KCNIP4: variants seen among roughly 807,000 people sequenced by gnomAD.
KCNIP4 encodes potassium voltage-gated channel interacting protein 4.
KCNIP4 carries 12 observed loss-of-function variants against 34.0 expected under a neutral mutation model. The observed-to-expected ratio is 0.35, with a 90% CI of 0.23 to 0.57. The LOEUF (loss-of-function observed/expected upper bound fraction) is 0.57. Ranked by LOEUF, KCNIP4 falls within the 20% of genes least tolerant of loss-of-function variation. The probability of loss-of-function intolerance (pLI) is 0.83; values close to 1 mark genes in which losing one functional copy is unlikely to be tolerated. For synonymous variants in KCNIP4, 124 were observed against 102.2 expected, an observed-to-expected ratio of 1.21 and a Z score of -1.29; for missense variants, 238 against 311.7, an observed-to-expected ratio of 0.76 and a Z score of 1.78.
At chr4:21,210,364 CA>C (rs1312877947) in intron 1 of KCNIP4, among the ~76,000 whole-genome samples, 2 of 152,118 alleles carry the variant, frequency 1.3e-5, no homozygotes, top group Non-Finnish European at 2.9e-5. Flanking sequence ...TTTCTGTCAT[CA>C]AATTAGCCTA....
chr4:21,781,965 C>T (rs1719600284), intron 1 of KCNIP4, among the ~76,000 whole-genome samples: 1 of 151,762 alleles, frequency 6.6e-6, no homozygotes, highest in Non-Finnish European at 1.5e-5. Flanking sequence ...ACAAGAGATA[C>T]TATTGATAAA....
At chr4:21,613,495 C>A (rs1398519504) in intron 1 of KCNIP4, 1 of 152,060 alleles carries the variant, frequency 6.6e-6, no homozygotes, top group East Asian at 1.9e-4. Context: ...TGGATGCAAC[C>A]TCATGAGAGA....
chr4:20,746,414 C>G (rs1035726143), intron 5 of KCNIP4, among the ~76,000 whole-genome samples: 1 of 151,862 alleles, frequency 6.6e-6, no homozygotes, highest in Non-Finnish European at 1.5e-5. Flanking sequence ...GCAGAAATAC[C>G]TAATGTAGGT....
intron 1 of KCNIP4, among the ~76,000 whole-genome samples, chr4:21,865,941 G>A (rs2109358138): frequency 7.0e-6 from 1 of 142,124 alleles, no homozygotes; most frequent in African/African-American, 2.5e-5. Context: ...ATATATATAT[G>A]GTGGCAAATG....
intron 1 of KCNIP4, among the ~76,000 whole-genome samples, chr4:21,491,374 C>A (rs562741562): frequency 4.6e-5 from 7 of 151,952 alleles, no homozygotes; most frequent in African/African-American, 1.7e-4. Context: ...CTCTGAAATG[C>A]CACTTGTTTT....
chr4:21,900,417 A>G (rs1560798108), intron 1 of KCNIP4, among the ~76,000 whole-genome samples: 1 of 152,188 alleles, frequency 6.6e-6, no homozygotes, highest in Non-Finnish European at 1.5e-5. Flanking sequence ...TTCCTGAATG[A>G]GTAATCCTCA....
At chr4:21,283,415 G>A (rs73113119) in intron 1 of KCNIP4, among the ~76,000 whole-genome samples, 6,754 of 151,624 alleles carry the variant, frequency 0.045, 534 homozygotes, top group African/African-American at 0.16. Flanking sequence ...ATCTTTTAAC[G>A]TTTTCTCTCT....
At chr4:20,758,689 C>G in intron 4 of KCNIP4, 132 bp downstream of exon 4, 1 of 703,482 alleles carries the variant, frequency 1.4e-6, no homozygotes, top group Non-Finnish European at 2.5e-6. Flanking sequence ...ATTATATACA[C>G]TTGCATGCTG....
At chr4:20,963,910 A>T (rs73242602) in intron 1 of KCNIP4, among the ~76,000 whole-genome samples, 8,157 of 147,288 alleles carry the variant, frequency 0.055, 288 homozygotes, top group Middle Eastern at 0.16. Flanking sequence ...TATATATATA[A>T]AAAAAAAGAT....
At chr4:21,198,892 G>A (rs1053940697) in intron 1 of KCNIP4, among the ~76,000 whole-genome samples, 22 of 152,114 alleles carry the variant, frequency 1.4e-4, no homozygotes, top group African/African-American at 2.9e-4. Flanking sequence ...CTGACCTGGC[G>A]CTGTCCTTTC....
intron 1 of KCNIP4, among the ~76,000 whole-genome samples, chr4:21,925,419 T>A (rs1485326088): frequency 6.6e-6 from 1 of 152,188 alleles, no homozygotes; most frequent in South Asian, 2.1e-4. Context: ...GAACTCATCA[T>A]TTTTTATGGC....
intron 1 of KCNIP4, among the ~76,000 whole-genome samples, chr4:20,991,647 G>A (rs560939364): frequency 3.9e-5 from 6 of 152,242 alleles, no homozygotes; most frequent in South Asian, 2.1e-4. Flanking sequence ...TCCTACCTCC[G>A]TGGTCCACCA....
intron 8 of KCNIP4, chr4:20,731,253 A>C: frequency 5.1e-5 from 16 of 316,452 alleles, no homozygotes; most frequent in Non-Finnish European, 7.3e-5. Flanking sequence ...TTTTTTTTGT[A>C]GAGATAGATA....
At chr4:21,132,370 T>C (rs1417112274) in intron 1 of KCNIP4, among the ~76,000 whole-genome samples, 1 of 152,216 alleles carries the variant, frequency 6.6e-6, no homozygotes, top group Non-Finnish European at 1.5e-5. Context: ...CTCATACTTG[T>C]GGAATGAATA....
At chr4:21,682,167 A>G (rs1158755526) in intron 1 of KCNIP4, among the ~76,000 whole-genome samples, 1 of 152,162 alleles carries the variant, frequency 6.6e-6, no homozygotes, top group Non-Finnish European at 1.5e-5. Flanking sequence ...CGCTGAGATT[A>G]CCTGCGTGAG....
chr4:20,773,207 C>T (rs1379904761), intron 3 of KCNIP4, among the ~76,000 whole-genome samples: 1 of 152,178 alleles, frequency 6.6e-6, no homozygotes, highest in Non-Finnish European at 1.5e-5. Flanking sequence ...TAAACTTCTT[C>T]AAGCTGGATT....
intron 1 of KCNIP4, among the ~76,000 whole-genome samples, chr4:21,383,177 C>A (rs1047555430): frequency 6.6e-6 from 1 of 152,164 alleles, no homozygotes; most frequent in Non-Finnish European, 1.5e-5. Flanking sequence ...AAGAAACCAA[C>A]CCTGCTGACA....
At chr4:21,184,687 A>G (rs1200613370) in intron 1 of KCNIP4, among the ~76,000 whole-genome samples, 1 of 152,160 alleles carries the variant, frequency 6.6e-6, no homozygotes. Context: ...CTTATGCATC[A>G]ATGCCCACAA....
chr4:21,901,918 C>G (rs886373354), intron 1 of KCNIP4, among the ~76,000 whole-genome samples: 3 of 152,144 alleles, frequency 2.0e-5, no homozygotes, highest in Non-Finnish European at 4.4e-5. Flanking sequence ...CAAAGACACA[C>G]CTTCAAAAAG....
Sources: gnomAD v4.1 joint callset for allele counts (sites outside exome capture counted in the v4.1 genomes callset) on GRCh38, gnomAD v4.1.1 for gene constraint, MANE v1.5 for transcripts, NCBI Gene and HGNC (gene_info 2026-07-23, HGNC 2026-07-21) for gene names.